The following DNAH3 variants were observed in gnomAD, a reference collection of about 807,000 sequenced individuals.
DNAH3 encodes the protein axonemal beta dynein heavy chain 3.
Under a neutral mutation model 432.5 loss-of-function variants are expected in DNAH3, and 332 were observed. The ratio of observed to expected loss-of-function variants is 0.77; its 90% CI spans 0.70 to 0.84. The LOEUF (loss-of-function observed/expected upper bound fraction) is 0.84, where lower values mean the gene tolerates loss of function less well. Ranked by LOEUF, DNAH3 falls within the 40% of genes least tolerant of loss-of-function variation. The pLI, the probability that DNAH3 is intolerant of heterozygous loss-of-function variation, is 0.00. For synonymous variants in DNAH3, 1,956 were observed against 1,900.2 expected, an observed-to-expected ratio of 1.03 and a Z score of -0.76; for missense variants, 4,861 against 5,114.0, an observed-to-expected ratio of 0.95 and a Z score of 1.51.
intron 6 of DNAH3, among the ~76,000 whole-genome samples, chr16:21,135,158 T>A (rs2092625125): frequency 1.3e-5 from 2 of 152,174 alleles, no homozygotes; most frequent in African/African-American, 2.4e-5. Flanking sequence ...ACTTAGAATC[T>A]GGGGTTGAGC....
chr16:21,036,262 G>C lies in DNAH3; in HGVS notation c.5085+452C>G, dbSNP rs888456111. Among the ~76,000 whole-genome samples the C allele has an allele frequency of 2.6e-5, 4 of 152,242 alleles. No individual in the cohort carries two copies. In the East Asian group the frequency reaches 7.7e-4, roughly 29 times the overall value. On this transcript the variant is annotated intron_variant, in intron 35 of 61. Coordinates refer to ENST00000261383, the Ensembl canonical transcript of DNAH3. ...AATCGCTGGAACCTGGGAGGCAGAG[G>C]TTGCAGTGAGCCAAGATTGCACCAC...
intron 39 of DNAH3, among the ~76,000 whole-genome samples, chr16:21,023,786 G>T (rs796526888): frequency 2.2e-4 from 32 of 146,480 alleles, no homozygotes; most frequent in African/African-American, 6.3e-4. Context: ...CAGCTTTTGG[G>T]GTGTGTGTGT....
chr16:21,026,557 C>T (rs564603662), intron 38 of DNAH3, among the ~76,000 whole-genome samples: 3 of 151,676 alleles, frequency 2.0e-5, no homozygotes, highest in South Asian at 2.1e-4. Context: ...AAAAATTAGC[C>T]GAGGGTGGTG....
intron 47 of DNAH3, among the ~76,000 whole-genome samples, chr16:20,986,493 T>C (rs1309799471): frequency 6.6e-6 from 1 of 152,028 alleles, no homozygotes; most frequent in East Asian, 1.9e-4. Context: ...GGTGACAGAG[T>C]GAGGTCCTAC....
rs767408391 is a variant in DNAH3, at chr16:20,975,392, C to T, written c.8100G>A (p.Leu2700=). The T allele has an allele frequency of 3.7e-6, 6 of 1,614,094 alleles. No individual in the cohort carries two copies. The South Asian group carries it at 6.6e-5, about 18-fold the overall frequency. ...GGATGAGTTGAGGTTGAAGAGCTGTCAGTTCTCTTTGCATAACCGCTACCT... is the reference window on the plus strand; with the variant it reads ...GGATGAGTTGAGGTTGAAGAGCTGTTAGTTCTCTTTGCATAACCGCTACCT... Residue 2700 remains leucine (L), a synonymous_variant, in exon 51 of 62, where the codon CTG becomes CTA. Coordinates refer to ENST00000261383, the Ensembl canonical transcript of DNAH3.
At chr16:21,058,414 A>C (rs1356100146) in intron 26 of DNAH3, among the ~76,000 whole-genome samples, 1 of 152,126 alleles carries the variant, frequency 6.6e-6, no homozygotes, top group East Asian at 1.9e-4. Context: ...CATCTCATCA[A>C]CTTTGCATTT....
At chr16:20,972,238 C>T (rs1212431072) in intron 51 of DNAH3, among the ~76,000 whole-genome samples, 4 of 143,050 alleles carry the variant, frequency 2.8e-5, no homozygotes, top group South Asian at 2.3e-4. Context: ...TTTTTTCTCT[C>T]TTTTTTTTTT....
intron 56 of DNAH3, among the ~76,000 whole-genome samples, chr16:20,950,469 A>C (rs1242121580): frequency 6.6e-6 from 1 of 152,188 alleles, no homozygotes; most frequent in Admixed American, 6.5e-5. Context: ...CCAAATAGCC[A>C]CTGGGGGCTG....
At chr16:21,010,899 T>TTG (rs1348080586) in intron 41 of DNAH3, among the ~76,000 whole-genome samples, 2 of 151,072 alleles carry the variant, frequency 1.3e-5, no homozygotes, top group African/African-American at 4.9e-5. Context: ...TTTTTTTTTT[T>TTG]TTGTTTTTTT....
In DNAH3 at chr16:20,998,101, T is replaced by TGTGCTA. The variant is rs769424415; in HGVS notation, c.6422-645_6422-640dup. 1.4e-3 allele frequency among the ~76,000 whole-genome samples: 218 copies of TGTGCTA among 152,304 alleles called. 1 individual carries two copies. Among genetic ancestry groups the TGTGCTA allele is most frequent in the South Asian group, 3.5e-3 (17 of 4,820 alleles). On this transcript the variant is annotated intron_variant, in intron 43 of 61. Coordinates refer to ENST00000261383, the Ensembl canonical transcript of DNAH3. ...GTCAAGCAAAATAGATTGTCTACTA[T>TGTGCTA]GTGCTAGACATTTTGTTAATTCCTC... is the stretch of plus-strand genomic sequence containing the variant.
intron 1 of DNAH3, among the ~76,000 whole-genome samples, chr16:21,153,968 A>T (rs2092881818): frequency 6.6e-6 from 1 of 152,182 alleles, no homozygotes; most frequent in Admixed American, 6.5e-5. Flanking sequence ...ATACGGTTTC[A>T]AATAGCATTT....
At chr16:21,144,504 T>C (rs2092757430) in intron 3 of DNAH3, among the ~76,000 whole-genome samples, 1 of 152,134 alleles carries the variant, frequency 6.6e-6, no homozygotes, top group African/African-American at 2.4e-5. Context: ...TAGATGATGG[T>C]GGCCTTGGTG....
At chr16:21,082,768 G>T (rs1003384231) in intron 19 of DNAH3, among the ~76,000 whole-genome samples, 1 of 150,724 alleles carries the variant, frequency 6.6e-6, no homozygotes, top group Non-Finnish European at 1.5e-5. Flanking sequence ...GTGGAGGCAG[G>T]AATCAGCCGA....
At chr16:21,030,944 A>G (rs981038562) in intron 37 of DNAH3, 101 bp downstream of exon 37, 5 of 1,223,748 alleles carry the variant, frequency 4.1e-6, no homozygotes, top group Non-Finnish European at 5.8e-6. Flanking sequence ...GAATACATAC[A>G]TAATAAATGT....
intron 59 of DNAH3, among the ~76,000 whole-genome samples, chr16:20,937,685 T>C (rs2083647184): frequency 6.6e-6 from 1 of 151,704 alleles, no homozygotes; most frequent in Admixed American, 6.6e-5. Context: ...CATGCCACTA[T>C]GCCCACCTGA....
At chr16:20,943,246 A>ATT (rs989131543) in intron 58 of DNAH3, among the ~76,000 whole-genome samples, 2 of 144,642 alleles carry the variant, frequency 1.4e-5, no homozygotes, top group Non-Finnish European at 3.0e-5. Flanking sequence ...GAGCTCAGCT[A>ATT]TTTTTTTTTT....
chr16:21,151,926 G>T (rs996923292), intron 1 of DNAH3, among the ~76,000 whole-genome samples: 11 of 151,762 alleles, frequency 7.2e-5, no homozygotes, highest in Admixed American at 4.6e-4. Flanking sequence ...CCATTTTAAG[G>T]ATAAGGAATC....
intron 55 of DNAH3, among the ~76,000 whole-genome samples, chr16:20,953,387 G>C (rs948940843): frequency 1.1e-4 from 17 of 152,110 alleles, no homozygotes; most frequent in African/African-American, 3.6e-4. Context: ...TTGAACTCCT[G>C]ATCGCAAGTG....
chr16:21,010,886 CTGTTTTTTTTTTTT>C (rs1181025947), intron 41 of DNAH3, among the ~76,000 whole-genome samples: 4 of 130,952 alleles, frequency 3.1e-5, no homozygotes, highest in East Asian at 2.0e-4. Flanking sequence ...CGGCCAAAAC[CTGTTTTTTTTTTTT>C]TGTTTTTTTT....
Sources: gnomAD v4.1 joint callset for allele counts (sites outside exome capture counted in the v4.1 genomes callset) on GRCh38, gnomAD v4.1.1 for gene constraint, MANE v1.5 for transcripts, NCBI Gene and HGNC (gene_info 2026-07-23, HGNC 2026-07-21) for gene names.